DTNB: variants seen among roughly 807,000 people sequenced by gnomAD.
DTNB encodes the protein dystrobrevin beta.
In DTNB, 63 loss-of-function variants were observed where a neutral mutation model predicts 90.7. The observed-to-expected ratio is 0.69, with a 90% CI of 0.57 to 0.86. DTNB has a LOEUF of 0.86. Ranked by LOEUF, DTNB falls within the 40% of genes least tolerant of loss-of-function variation. The pLI, the probability that DTNB is intolerant of heterozygous loss-of-function variation, is 0.00. For missense variants in DTNB, 744 were observed against 807.1 expected, an observed-to-expected ratio of 0.92 and a Z score of 0.95; for synonymous variants, 277 against 286.7, an observed-to-expected ratio of 0.97 and a Z score of 0.34.
At chr2:25,647,923 A>C (rs971575012) in intron 2 of DTNB, among the ~76,000 whole-genome samples, 28 of 152,194 alleles carry the variant, frequency 1.8e-4, no homozygotes, top group African/African-American at 6.5e-4. Flanking sequence ...ACCCAACATA[A>C]GTTGTTAGAA....
intron 8 of DTNB, among the ~76,000 whole-genome samples, chr2:25,546,018 G>A (rs1255188828): frequency 6.6e-6 from 1 of 152,202 alleles, no homozygotes; most frequent in East Asian, 1.9e-4. Context: ...CAGCCAAGCA[G>A]CCATTTGCTG....
At chr2:25,405,601 T>C (rs1322096652) in intron 16 of DTNB, among the ~76,000 whole-genome samples, 1 of 150,652 alleles carries the variant, frequency 6.6e-6, no homozygotes, top group Non-Finnish European at 1.5e-5. Context: ...CTTTTTGTTT[T>C]GTTGTTGTTT....
At chr2:25,411,187 C>T (rs2046506837) in intron 16 of DTNB, among the ~76,000 whole-genome samples, 1 of 151,876 alleles carries the variant, frequency 6.6e-6, no homozygotes, top group African/African-American at 2.4e-5. Context: ...GGCAAAACCC[C>T]ATCTCTACTA....
intron 3 of DTNB, among the ~76,000 whole-genome samples, chr2:25,634,265 G>T (rs12990690): frequency 8.5e-6 from 1 of 118,008 alleles, no homozygotes; most frequent in African/African-American, 3.0e-5. Flanking sequence ...CCGGCCAGCC[G>T]CCCCGTCCGG....
At chr2:25,559,079 T>C (rs1354137003) in intron 8 of DTNB, among the ~76,000 whole-genome samples, 1 of 152,174 alleles carries the variant, frequency 6.6e-6, no homozygotes, top group African/African-American at 2.4e-5. Context: ...GATCTGCCTA[T>C]CTGGGGTTAA....
chr2:25,613,769 C>A lies in DTNB; in HGVS notation c.363-6448G>T, dbSNP rs79549343. Among the ~76,000 whole-genome samples, 442 of 152,064 alleles carry A rather than the reference C, an allele frequency of 2.9e-3. 3 individuals carry two copies. Among genetic ancestry groups the A allele is most frequent in the African/African-American group, 0.01 (427 of 41,472 alleles). On this transcript the variant is annotated intron_variant, in intron 4 of 20. Coordinates refer to ENST00000406818, the MANE Select transcript of DTNB (RefSeq NM_021907.5). ...GGTCAGGCGTTTGAGACTATCCTGG[C>A]CAACATGGTGAAACCTTGTCTCTAC... is the stretch of plus-strand genomic sequence containing the variant.
At chr2:25,627,523 T>A (rs1389797805) in intron 4 of DTNB, among the ~76,000 whole-genome samples, 1 of 152,092 alleles carries the variant, frequency 6.6e-6, no homozygotes, top group African/African-American at 2.4e-5. Context: ...AAGAGGAGAC[T>A]TAGAAGTCAA....
At chr2:25,486,276 A>C (rs2066111582) in intron 9 of DTNB, among the ~76,000 whole-genome samples, 1 of 152,116 alleles carries the variant, frequency 6.6e-6, no homozygotes, top group Admixed American at 6.5e-5. Context: ...CAGCCTGGGC[A>C]ACATAGCGAA....
At chr2:25,436,755 G>A (rs1178471845) in intron 12 of DTNB, among the ~76,000 whole-genome samples, 1 of 152,170 alleles carries the variant, frequency 6.6e-6, no homozygotes, top group Non-Finnish European at 1.5e-5. Context: ...TCTCAGAAAA[G>A]TAGCTTGCTT....
At chr2:25,563,868 T>C (rs2058614444) in intron 8 of DTNB, among the ~76,000 whole-genome samples, 1 of 152,224 alleles carries the variant, frequency 6.6e-6, no homozygotes, top group African/African-American at 2.4e-5. Context: ...AGTGTGAGTC[T>C]TCCAAATTTG....
intron 8 of DTNB, among the ~76,000 whole-genome samples, chr2:25,534,049 G>C (rs1344079636): frequency 1.3e-5 from 2 of 151,402 alleles, no homozygotes; most frequent in Non-Finnish European, 2.9e-5. Flanking sequence ...TTCTCAGAGA[G>C]GGGGATGTGG....
intron 2 of DTNB, among the ~76,000 whole-genome samples, chr2:25,647,394 T>C (rs975861201): frequency 2.6e-5 from 4 of 152,188 alleles, no homozygotes; most frequent in African/African-American, 9.7e-5. Flanking sequence ...TAATGAAATA[T>C]GCAAAAAGCT....
rs755844066 is a variant in DTNB at position 25,387,342 on chromosome 2, G to A, written c.1772C>T (p.Ala591Val). The part of the protein sequence containing the change: ...RRNLRNDLLV[A>V]ADSITNTMSS... ...CATGGTGTTGGTGATGGAGTCAGCT[G>A]CCACCAGCAGGTCATTGCGGAGGTT... Residue 591 changes from alanine to valine, a missense_variant, in exon 18 of 21, where the codon GCA (alanine) becomes GTA (valine). Ala to Val is a moderately conservative substitution (Grantham distance 64). Coordinates refer to ENST00000406818, the MANE Select transcript of DTNB (RefSeq NM_021907.5). The surrounding 1 kb of genome is among the most constrained non-coding windows in gnomAD (Gnocchi z 4.5). The A allele has an allele frequency of 1.2e-6, 2 of 1,612,140 alleles. No homozygotes were observed. The highest frequency in any genetic ancestry group is 2.2e-5 in the East Asian group (1 of 44,886).
chr2:25,521,568 G>A (rs2076136535), intron 9 of DTNB, among the ~76,000 whole-genome samples: 2 of 151,682 alleles, frequency 1.3e-5, no homozygotes, highest in Non-Finnish European at 2.9e-5. Flanking sequence ...TTTTTTAGGA[G>A]AGACGGGGTT....
At chr2:25,570,196 T>C (rs189727983) in intron 8 of DTNB, among the ~76,000 whole-genome samples, 4 of 151,662 alleles carry the variant, frequency 2.6e-5, no homozygotes, top group Admixed American at 6.5e-5. Context: ...AGATCACTTG[T>C]GCTCAGCTCA....
At chr2:25,660,470 C>G (rs1489187746) in intron 1 of DTNB, among the ~76,000 whole-genome samples, 5 of 152,002 alleles carry the variant, frequency 3.3e-5, no homozygotes, top group Non-Finnish European at 7.4e-5. Context: ...CTAATGAGTA[C>G]AGGGTTCTTT....
chr2:25,649,345 A>G (rs2080312221), intron 2 of DTNB, among the ~76,000 whole-genome samples: 1 of 152,158 alleles, frequency 6.6e-6, no homozygotes, highest in South Asian at 2.1e-4. Flanking sequence ...GGCCCTAACC[A>G]GTACACTAGG....
chr2:25,555,927 G>A (rs2057270170), intron 8 of DTNB, among the ~76,000 whole-genome samples: 1 of 152,166 alleles, frequency 6.6e-6, no homozygotes, highest in Non-Finnish European at 1.5e-5. Context: ...GGCTAAGGCA[G>A]GAGAATCACT....
At chr2:25,617,847 T>C (rs11126132) in intron 4 of DTNB, among the ~76,000 whole-genome samples, 38,111 of 152,104 alleles carry the variant, frequency 0.25, 6,060 homozygotes, top group Non-Finnish European at 0.36. Flanking sequence ...CACTGCTCTT[T>C]GGCATGGGCA....
Sources: gnomAD v4.1 joint callset for allele counts (sites outside exome capture counted in the v4.1 genomes callset) on GRCh38, gnomAD v4.1.1 for gene constraint, Gnocchi (gnomAD v3.1) non-coding constraint, MANE v1.5 for transcripts, NCBI Gene and HGNC (gene_info 2026-07-23, HGNC 2026-07-21) for gene names.